The following MTRF1 variants were observed in gnomAD, a reference collection of about 807,000 sequenced individuals.
MTRF1 encodes the protein mitochondrial translation release factor 1, also known as peptide chain release factor 1, mitochondrial.
In MTRF1, 51 loss-of-function variants were observed where a neutral mutation model predicts 62.9. The observed-to-expected ratio is 0.81, with a 90% CI of 0.65 to 1.02. MTRF1 has a LOEUF of 1.02. MTRF1 is among the 50% of genes least tolerant of loss of function. The probability of loss-of-function intolerance (pLI) is 0.00; values close to 1 mark genes in which losing one functional copy is unlikely to be tolerated. For missense variants in MTRF1, 446 were observed against 530.0 expected, an observed-to-expected ratio of 0.84 and a Z score of 1.56; for synonymous variants, 158 against 181.9, an observed-to-expected ratio of 0.87 and a Z score of 1.06.
At chr13:41,268,248 G>A (rs1041160156), upstream of MTRF1, among the ~76,000 whole-genome samples, 6 of 152,122 alleles carry the variant, frequency 3.9e-5, no homozygotes, top group African/African-American at 1.4e-4. Context: ...TTTCATATTT[G>A]ACAATGCTTC....
intron 7 of MTRF1, 78 bp downstream of exon 7, chr13:41,233,812 C>G (rs1035468692): frequency 9.0e-7 from 1 of 1,111,558 alleles, no homozygotes; most frequent in African/African-American, 1.5e-5. Flanking sequence ...ACCAGACACT[C>G]ATATAGGACT....
chr13:41,249,859 C>T (rs1350091783), intron 5 of MTRF1, among the ~76,000 whole-genome samples: 2 of 151,832 alleles, frequency 1.3e-5, no homozygotes, highest in Non-Finnish European at 2.9e-5. Context: ...AATGATCCAC[C>T]CGCCTTGGTC....
chr13:41,248,040 G>A (rs186348512), intron 5 of MTRF1, among the ~76,000 whole-genome samples: 17 of 152,226 alleles, frequency 1.1e-4, no homozygotes, highest in African/African-American at 1.9e-4. Flanking sequence ...CATAGTTACC[G>A]TATTAAAAGG....
chr13:41,273,317 C>CT, the MTRF1 span, among the ~76,000 whole-genome samples: 2 of 142,318 alleles, frequency 1.4e-5, no homozygotes, highest in Non-Finnish European at 3.1e-5. Context: ...CAGAGCGAGA[C>CT]TCCGTCTCAA....
rs199717534 is a variant in MTRF1 at position 41,218,281 on chromosome 13, ATTTTTTTTTT to A, written c.1225-1063_1225-1054del. On this transcript the variant is annotated intron_variant, in intron 9 of 9. Transcript: ENST00000379480. ...CAGGCACATGCTACACACCCAGCTA[ATTTTTTTTTT>A]TTTTTTTTTTTTTTTTTTTGTAGAG... Among the ~76,000 whole-genome samples the A allele has an allele frequency of 4.1e-3, 478 of 117,854 alleles. 2 individuals are homozygous for A. Among genetic ancestry groups the A allele is most frequent in the African/African-American group, 0.015 (458 of 31,542 alleles). 77.3% of individuals were successfully genotyped at this position (117,854 alleles called of 152,430 possible). A position where few individuals can be genotyped will look rare whatever the true frequency, so the allele number is the denominator to read the frequency against.
upstream of MTRF1, among the ~76,000 whole-genome samples, chr13:41,265,434 AAGT>A (rs1447893296): frequency 2.0e-4 from 31 of 152,224 alleles, no homozygotes; most frequent in African/African-American, 6.3e-4. Flanking sequence ...AAAAAAAAAA[AAGT>A]AGTCTTACTG....
the MTRF1 span, among the ~76,000 whole-genome samples, chr13:41,285,724 G>C: frequency 1.3e-5 from 2 of 152,120 alleles, no homozygotes; most frequent in Admixed American, 1.3e-4. Flanking sequence ...TTTGGGGAGA[G>C]ACAACCTTTT....
chr13:41,286,877 G>A, the MTRF1 span, among the ~76,000 whole-genome samples: 1 of 152,178 alleles, frequency 6.6e-6, no homozygotes, highest in Non-Finnish European at 1.5e-5. Context: ...TAATGAACAT[G>A]GGTTGATAAA....
chr13:41,284,474 C>CA, the MTRF1 span, among the ~76,000 whole-genome samples: 707 of 102,554 alleles, frequency 6.9e-3, 8 homozygotes, highest in East Asian at 0.038. Flanking sequence ...CACTCTGTCT[C>CA]AAAAAAAAAA....
Position 41,260,756 on chromosome 13 carries a change from T to C in MTRF1, c.152A>G (p.His51Arg). The C allele has an allele frequency of 6.2e-7, 1 of 1,614,218 alleles. No homozygotes were observed. The highest frequency in any genetic ancestry group is 1.3e-5 in the African/African-American group (1 of 75,062). ...CCTGGACCAATTCTTACTTAACAGA[T>C]GAAGAATGCAATTCCTGTTTTGTCT... ...VFRQNRNCIL[H>R]LLSKNWSRRY... The change falls in exon 2 of 10, where the codon CAT becomes CGT. Residue 51 changes from histidine to arginine, a missense_variant. Physicochemically the swap from His to Arg is conservative, Grantham distance 29 (BLOSUM62 0). Coordinates refer to ENST00000379480, the MANE Select transcript of MTRF1 (RefSeq NM_004294.4).
At chr13:41,230,484 G>A (rs1208652172) in intron 7 of MTRF1, among the ~76,000 whole-genome samples, 18 of 150,950 alleles carry the variant, frequency 1.2e-4, no homozygotes, top group Admixed American at 1.2e-3. Context: ...GGCTGGTCTT[G>A]AACTCCCGAC....
At chr13:41,270,748 AT>A in the MTRF1 span, among the ~76,000 whole-genome samples, 16 of 150,710 alleles carry the variant, frequency 1.1e-4, no homozygotes, top group African/African-American at 2.9e-4. Context: ...TTTTAATTTA[AT>A]TTTTTTTTGA....
the MTRF1 span, among the ~76,000 whole-genome samples, chr13:41,299,787 G>A: frequency 6.6e-6 from 1 of 151,618 alleles, no homozygotes; most frequent in African/African-American, 2.4e-5. Context: ...ACTTCTGAAT[G>A]AGAGAAATGT....
chr13:41,259,425 C>T (rs1402532321), intron 2 of MTRF1, among the ~76,000 whole-genome samples: 2 of 152,140 alleles, frequency 1.3e-5, no homozygotes, highest in Non-Finnish European at 2.9e-5. Context: ...ACTGGCTGGG[C>T]ATGGTGGCTC....
the MTRF1 span, among the ~76,000 whole-genome samples, chr13:41,281,954 G>A: frequency 6.6e-6 from 1 of 151,928 alleles, no homozygotes; most frequent in African/African-American, 2.4e-5. Context: ...GGCTAACATG[G>A]TGAAACCCCG....
At chr13:41,225,535 G>C (rs1012224538) in intron 8 of MTRF1, among the ~76,000 whole-genome samples, 16 of 152,132 alleles carry the variant, frequency 1.1e-4, no homozygotes, top group African/African-American at 3.1e-4. Flanking sequence ...GGTAAAGAAA[G>C]CTAGAAACGT....
At chr13:41,310,868 G>A in the MTRF1 span, among the ~76,000 whole-genome samples, 1 of 152,216 alleles carries the variant, frequency 6.6e-6, no homozygotes, top group Non-Finnish European at 1.5e-5. Context: ...ACTCTTCAGA[G>A]TCATAACTAA....
the MTRF1 span, among the ~76,000 whole-genome samples, chr13:41,275,607 C>T: frequency 6.6e-6 from 1 of 152,102 alleles, no homozygotes; most frequent in Non-Finnish European, 1.5e-5. Flanking sequence ...ATCCTCCATC[C>T]TCAGCCTCCT....
chr13:41,283,186 ACTTAAT>A, the MTRF1 span, among the ~76,000 whole-genome samples: 4 of 152,214 alleles, frequency 2.6e-5, no homozygotes, highest in East Asian at 7.7e-4. Flanking sequence ...ACAGTTCCAG[ACTTAAT>A]CTTAGGGGGA....
Sources: allele counts gnomAD v4.1 joint callset (sites outside exome capture counted in the v4.1 genomes callset), GRCh38; gene constraint gnomAD v4.1.1; transcripts MANE v1.5; gene names NCBI Gene and HGNC (gene_info 2026-07-23, HGNC 2026-07-21).